B3GAT2: variants seen among roughly 807,000 people sequenced by gnomAD.
B3GAT2 encodes the protein beta-1,3-glucuronyltransferase 2.
A neutral mutation model predicts 27.8 loss-of-function variants in B3GAT2; 26 were observed. That is an observed-to-expected ratio of 0.93 (90% CI 0.68 to 1.30). B3GAT2 has a LOEUF of 1.30. Ranked by LOEUF, B3GAT2 falls within the 50% of genes most tolerant of loss-of-function variation. B3GAT2 has a pLI of 0.00. For missense variants in B3GAT2, 458 were observed against 459.0 expected (o/e 1.00, Z 0.02); for synonymous variants, 218 against 195.1 (o/e 1.12, Z -0.98).
chr6:70,949,373 C>A (rs1765542674), intron 1 of B3GAT2, among the ~76,000 whole-genome samples: 1 of 152,194 alleles, frequency 6.6e-6, no homozygotes, highest in Non-Finnish European at 1.5e-5. Flanking sequence ...AAACAAACAA[C>A]CCCATCAACA....
At chr6:70,953,760 A>G (rs1254129575) in intron 1 of B3GAT2, among the ~76,000 whole-genome samples, 1 of 152,132 alleles carries the variant, frequency 6.6e-6, no homozygotes, top group African/African-American at 2.4e-5. Flanking sequence ...TAGTGTCTTG[A>G]AAGTTTTGCG....
chr6:70,892,541 G>A (rs182828398), intron 2 of B3GAT2, among the ~76,000 whole-genome samples: 91 of 152,248 alleles, frequency 6.0e-4, no homozygotes, highest in African/African-American at 1.9e-3. Flanking sequence ...GTCTGTCTGC[G>A]GCTGCTTGAG....
intron 2 of B3GAT2, among the ~76,000 whole-genome samples, chr6:70,869,358 T>C (rs923899466): frequency 1.3e-5 from 2 of 152,276 alleles, no homozygotes; most frequent in South Asian, 4.2e-4. Context: ...TTGGGAAGTA[T>C]AAATCCCCTA....
At chr6:70,887,361 A>G (rs566067909) in intron 2 of B3GAT2, among the ~76,000 whole-genome samples, 2 of 152,332 alleles carry the variant, frequency 1.3e-5, no homozygotes, top group Admixed American at 6.5e-5. Flanking sequence ...GTCCCTGCAG[A>G]GAGCCCACAG....
chr6:70,933,138 A>G (rs1403834778), intron 1 of B3GAT2, among the ~76,000 whole-genome samples: 1 of 152,218 alleles, frequency 6.6e-6, no homozygotes, highest in Non-Finnish European at 1.5e-5. Flanking sequence ...ACAAGAGCCA[A>G]TCAAATGAAC....
At chr6:70,940,873 A>T (rs561216872) in intron 1 of B3GAT2, among the ~76,000 whole-genome samples, 6 of 152,280 alleles carry the variant, frequency 3.9e-5, no homozygotes, top group African/African-American at 1.4e-4. Flanking sequence ...AGTTGCAGTG[A>T]GCCAGGTTAG....
rs140375004 is a variant in B3GAT2, at chr6:70,892,659, C to T, written c.736+1469G>A. Among the ~76,000 whole-genome samples, 440 of 152,270 alleles carry T rather than the reference C, an allele frequency of 2.9e-3. 2 individuals carry two copies. The highest frequency in any genetic ancestry group is 9.8e-3 in the African/African-American group (406 of 41,560). ...ACTGGAGGGCCCTGGTGGTCATCTCCGGCAGCTGCCTCACTTTACACAAGA... is the reference window on the plus strand; with the variant it reads ...ACTGGAGGGCCCTGGTGGTCATCTCTGGCAGCTGCCTCACTTTACACAAGA... On this transcript the variant is annotated intron_variant, in intron 2 of 3. Transcript: ENST00000230053.
intron 1 of B3GAT2, among the ~76,000 whole-genome samples, chr6:70,940,961 A>C (rs1765383169): frequency 6.6e-6 from 1 of 152,158 alleles, no homozygotes; most frequent in Admixed American, 6.5e-5. Context: ...CAGAACCCAC[A>C]GGAGAACACC....
At chr6:70,937,978 C>A (rs10455711) in intron 1 of B3GAT2, among the ~76,000 whole-genome samples, 2 of 150,074 alleles carry the variant, frequency 1.3e-5, no homozygotes, top group African/African-American at 4.9e-5. Context: ...TGTTTGCAGA[C>A]GACATGATTG....
chr6:70,930,946 A>G (rs1378215288), intron 1 of B3GAT2, among the ~76,000 whole-genome samples: 1 of 152,200 alleles, frequency 6.6e-6, no homozygotes, highest in Non-Finnish European at 1.5e-5. Context: ...AATGTCCATC[A>G]ATGACAGATT....
intron 1 of B3GAT2, among the ~76,000 whole-genome samples, chr6:70,898,425 C>G (rs907257617): frequency 6.6e-6 from 1 of 152,154 alleles, no homozygotes; most frequent in African/African-American, 2.4e-5. Context: ...GCTTCAGACT[C>G]CTCTTTCCTG....
chr6:70,937,753 C>G (rs1450897313), intron 1 of B3GAT2, among the ~76,000 whole-genome samples: 1 of 152,010 alleles, frequency 6.6e-6, no homozygotes, highest in African/African-American at 2.4e-5. Flanking sequence ...GGACGTATCT[C>G]AAAATAATAA....
chr6:70,873,465 T>C (rs1183493995), intron 2 of B3GAT2, among the ~76,000 whole-genome samples: 1 of 152,120 alleles, frequency 6.6e-6, no homozygotes, highest in Non-Finnish European at 1.5e-5. Flanking sequence ...CCTTTGTTAA[T>C]CATATTCAGT....
intron 1 of B3GAT2, among the ~76,000 whole-genome samples, chr6:70,927,270 A>C (rs1223830849): frequency 6.6e-6 from 1 of 152,194 alleles, no homozygotes. Flanking sequence ...TGCATCAACT[A>C]ATGAGCAAAA....
chr6:70,916,279 A>T (rs113268832), intron 1 of B3GAT2, among the ~76,000 whole-genome samples: 5 of 152,132 alleles, frequency 3.3e-5, no homozygotes, highest in African/African-American at 1.2e-4. Flanking sequence ...GAAGTTGTTT[A>T]TCAGCTTAAG....
At chr6:70,916,148 T>C (rs995862033) in intron 1 of B3GAT2, among the ~76,000 whole-genome samples, 3 of 152,112 alleles carry the variant, frequency 2.0e-5, no homozygotes, top group African/African-American at 7.2e-5. Flanking sequence ...AGGTATTTTA[T>C]TCTCTTTGAG....
intron 1 of B3GAT2, among the ~76,000 whole-genome samples, chr6:70,951,011 T>C (rs965891390): frequency 6.6e-6 from 1 of 152,204 alleles, no homozygotes; most frequent in Non-Finnish European, 1.5e-5. Flanking sequence ...CATCTATCTA[T>C]GTACTGGTAT....
chr6:70,906,408 C>T (rs1772603573), intron 1 of B3GAT2, among the ~76,000 whole-genome samples: 2 of 152,168 alleles, frequency 1.3e-5, no homozygotes, highest in African/African-American at 4.8e-5. Context: ...ATGATCACAG[C>T]TCACTGCAAG....
chr6:70,955,099 C>T (rs965517669), intron 1 of B3GAT2, among the ~76,000 whole-genome samples: 5 of 150,238 alleles, frequency 3.3e-5, no homozygotes, highest in African/African-American at 9.8e-5. Flanking sequence ...TCAGGCAGCC[C>T]AGATGTTTAC....
Sources: allele counts gnomAD v4.1 joint callset (sites outside exome capture counted in the v4.1 genomes callset), GRCh38; gene constraint gnomAD v4.1.1; transcripts MANE v1.5; gene names NCBI Gene and HGNC (gene_info 2026-07-23, HGNC 2026-07-21).